SDK1: variants seen among roughly 807,000 people sequenced by gnomAD.
The protein encoded by SDK1 is protein sidekick-1.
SDK1 carries 157 observed loss-of-function variants against 245.5 expected under a neutral mutation model. That is an observed-to-expected ratio of 0.64 (90% CI 0.56 to 0.73). The LOEUF (loss-of-function observed/expected upper bound fraction) is 0.73, where lower values mean the gene tolerates loss of function less well. SDK1 is among the 30% of genes least tolerant of loss of function. The probability of loss-of-function intolerance (pLI) is 0.00; values close to 1 mark genes in which losing one functional copy is unlikely to be tolerated. For synonymous variants in SDK1, 1,647 were observed against 1,278.5 expected, an observed-to-expected ratio of 1.29 and a Z score of -6.15; for missense variants, 3,583 against 3,002.3, an observed-to-expected ratio of 1.19 and a Z score of -4.52.
chr7:3,304,110 C>T (rs1292828747), intron 1 of SDK1, among the ~76,000 whole-genome samples: 6 of 152,066 alleles, frequency 3.9e-5, no homozygotes, highest in African/African-American at 1.5e-4. Context: ...GGTTACAGAC[C>T]CTCTATGTAA....
chr7:3,780,387 T>G (rs1780695083), intron 4 of SDK1, among the ~76,000 whole-genome samples: 1 of 152,218 alleles, frequency 6.6e-6, no homozygotes, highest in Non-Finnish European at 1.5e-5. Flanking sequence ...TAGGGTCAGG[T>G]AGAAACAAAG....
intron 35 of SDK1, among the ~76,000 whole-genome samples, chr7:4,190,001 A>G (rs1783100188): frequency 6.6e-6 from 1 of 152,206 alleles, no homozygotes; most frequent in Non-Finnish European, 1.5e-5. Flanking sequence ...GAAAAAAAAA[A>G]GCACAGCTTC....
intron 1 of SDK1, among the ~76,000 whole-genome samples, chr7:3,469,011 G>C (rs191878627): frequency 6.6e-6 from 1 of 152,284 alleles, no homozygotes. Context: ...TTAACAACGT[G>C]TTAGGCTTAA....
intron 2 of SDK1, among the ~76,000 whole-genome samples, chr7:3,628,123 C>T (rs1046232992): frequency 1.1e-4 from 16 of 152,044 alleles, no homozygotes; most frequent in Admixed American, 1.3e-4. Flanking sequence ...CTTCATTTTC[C>T]GGATCAAGTT....
At chr7:3,579,943 G>T (rs1780428150) in intron 1 of SDK1, among the ~76,000 whole-genome samples, 1 of 152,164 alleles carries the variant, frequency 6.6e-6, no homozygotes, top group Non-Finnish European at 1.5e-5. Flanking sequence ...TTTCAGCAAA[G>T]TTTCAGGATA....
chr7:3,771,136 C>T (rs920691717), intron 4 of SDK1, among the ~76,000 whole-genome samples: 9 of 152,004 alleles, frequency 5.9e-5, no homozygotes, highest in Non-Finnish European at 1.3e-4. Flanking sequence ...GCTATGGGCT[C>T]ATCTAGCATG....
chr7:3,369,601 T>C (rs764086116), intron 1 of SDK1, among the ~76,000 whole-genome samples: 8 of 152,248 alleles, frequency 5.3e-5, no homozygotes, highest in Non-Finnish European at 8.8e-5. Context: ...TTACATCTCC[T>C]ATTGAAGAAT....
At chr7:3,340,431 G>A (rs145062667) in intron 1 of SDK1, among the ~76,000 whole-genome samples, 63 of 152,208 alleles carry the variant, frequency 4.1e-4, no homozygotes, top group African/African-American at 1.4e-3. Context: ...TGAAAGCAGC[G>A]TTGTCACTAA....
At chr7:3,701,684 A>G (rs1449342353) in intron 4 of SDK1, among the ~76,000 whole-genome samples, 1 of 152,204 alleles carries the variant, frequency 6.6e-6, no homozygotes, top group Non-Finnish European at 1.5e-5. Flanking sequence ...TTTGGAAAAG[A>G]CGGATAAGGT....
At chr7:4,238,902 T>C (rs983377695) in intron 42 of SDK1, among the ~76,000 whole-genome samples, 6 of 151,938 alleles carry the variant, frequency 3.9e-5, no homozygotes, top group South Asian at 2.1e-4. Flanking sequence ...AGGTGGCATA[T>C]TGTACTATGC....
chr7:3,440,852 T>A (rs1780173457), intron 1 of SDK1, among the ~76,000 whole-genome samples: 1 of 152,130 alleles, frequency 6.6e-6, no homozygotes, highest in Non-Finnish European at 1.5e-5. Flanking sequence ...GAAAGGTAAA[T>A]TTGTGAGTGG....
chr7:3,883,411 T>A (rs1247977687), intron 5 of SDK1, among the ~76,000 whole-genome samples: 2 of 152,206 alleles, frequency 1.3e-5, no homozygotes, highest in African/African-American at 4.8e-5. Flanking sequence ...ATTATGAGCC[T>A]GTCTGCCGCA....
At chr7:3,942,927 C>T (rs1186461243) in intron 5 of SDK1, among the ~76,000 whole-genome samples, 1 of 152,156 alleles carries the variant, frequency 6.6e-6, no homozygotes, top group Non-Finnish European at 1.5e-5. Flanking sequence ...TATGACTCAG[C>T]ATCTTTTGGT....
At chr7:3,314,403 C>G (rs181977768) in intron 1 of SDK1, among the ~76,000 whole-genome samples, 74 of 152,278 alleles carry the variant, frequency 4.9e-4, no homozygotes, top group African/African-American at 1.7e-3. Flanking sequence ...GAAATGTGGA[C>G]TTGGATCTTG....
At chr7:3,654,577 T>A (rs1783104733) in intron 4 of SDK1, among the ~76,000 whole-genome samples, 1 of 152,204 alleles carries the variant, frequency 6.6e-6, no homozygotes, top group African/African-American at 2.4e-5. Flanking sequence ...CAGTTGGACT[T>A]AATGAAGGTC....
chr7:3,579,679 G>C (rs1441387400), intron 1 of SDK1, among the ~76,000 whole-genome samples: 3 of 151,730 alleles, frequency 2.0e-5, no homozygotes, highest in African/African-American at 7.3e-5. Context: ...GCCAGTCCTG[G>C]TTGTGGAAAC....
At chr7:3,402,154 A>G (rs1443541755) in intron 1 of SDK1, among the ~76,000 whole-genome samples, 1 of 152,184 alleles carries the variant, frequency 6.6e-6, no homozygotes, top group Non-Finnish European at 1.5e-5. Flanking sequence ...TGCAAAAAGA[A>G]CTTGAGAAAG....
intron 40 of SDK1, chr7:4,227,526 A>G: frequency 2.2e-6 from 1 of 456,394 alleles, no homozygotes; most frequent in South Asian, 1.6e-5. Context: ...ACAAAAAGAA[A>G]TGGCAGTATT....
chr7:3,683,973 C>T (rs1028419327), intron 4 of SDK1, among the ~76,000 whole-genome samples: 8 of 152,194 alleles, frequency 5.3e-5, no homozygotes, highest in African/African-American at 1.2e-4. Flanking sequence ...CCCTTCATCA[C>T]CTGGCCCTCC....
Sources: allele counts gnomAD v4.1 joint callset (sites outside exome capture counted in the v4.1 genomes callset), GRCh38; gene constraint gnomAD v4.1.1; transcripts MANE v1.5; gene names NCBI Gene and HGNC (gene_info 2026-07-23, HGNC 2026-07-21).